The following PINX1 variants were observed in gnomAD, a reference collection of about 807,000 sequenced individuals.
PINX1 encodes PIN2 (TERF1) interacting telomerase inhibitor 1.
In PINX1, 34 loss-of-function variants were observed where a neutral mutation model predicts 25.4. The observed-to-expected ratio is 1.34, with a 90% confidence interval of 1.02 to 1.78. PINX1 has a LOEUF of 1.78. PINX1 is among the 40% of genes most tolerant of loss of function. PINX1 has a pLI of 0.00. For synonymous variants in PINX1, 197 were observed against 147.7 expected, an observed-to-expected ratio of 1.33 and a Z score of -2.42; for missense variants, 592 against 404.9, an observed-to-expected ratio of 1.46 and a Z score of -3.97.
intron 6 of PINX1, among the ~76,000 whole-genome samples, chr8:10,819,398 G>C (rs768594907): frequency 6.6e-6 from 1 of 152,168 alleles, no homozygotes; most frequent in Non-Finnish European, 1.5e-5. Context: ...AAGATCATCA[G>C]TACAACATAC....
chr8:10,807,112 G>A (rs368338337), intron 6 of PINX1, among the ~76,000 whole-genome samples: 4 of 152,138 alleles, frequency 2.6e-5, no homozygotes, highest in South Asian at 4.2e-4. Context: ...GAACTCAGAG[G>A]ACCAAGACAG....
At chr8:10,835,701 A>G (rs1798385550) in intron 1 of PINX1, among the ~76,000 whole-genome samples, 1 of 152,196 alleles carries the variant, frequency 6.6e-6, no homozygotes, top group Non-Finnish European at 1.5e-5. Flanking sequence ...AAGTAAAAAA[A>G]TCACTGTGCC....
chr8:10,798,635 C>T (rs1802165119), intron 6 of PINX1, among the ~76,000 whole-genome samples: 1 of 152,240 alleles, frequency 6.6e-6, no homozygotes, highest in African/African-American at 2.4e-5. Flanking sequence ...GGCAGTAAGC[C>T]AGGTAAAACT....
At chr8:10,821,156 G>A (rs1460939008) in intron 5 of PINX1, among the ~76,000 whole-genome samples, 1 of 152,226 alleles carries the variant, frequency 6.6e-6, no homozygotes, top group Non-Finnish European at 1.5e-5. Flanking sequence ...TCAGACACAG[G>A]AATGTGAGTC....
At chr8:10,797,898 G>A (rs527681369) in intron 6 of PINX1, among the ~76,000 whole-genome samples, 2 of 152,298 alleles carry the variant, frequency 1.3e-5, no homozygotes, top group South Asian at 2.1e-4. Context: ...ACCATGTCAG[G>A]AGAATCTCAG....
rs1052316632 is a variant in PINX1, at chr8:10,772,645, G to A, written c.472-6729C>T. Among the ~76,000 whole-genome samples the A allele has an allele frequency of 2.6e-5, 4 of 152,342 alleles. No individual in the cohort carries two copies. The South Asian group carries it at 6.2e-4, about 24-fold the overall frequency. On this transcript the variant is annotated intron_variant, in intron 6 of 6. Transcript: ENST00000314787. ...GGAATTTGCCTGGGAGACACAATCA[G>A]TTTTAGCATTAGCAAGTATCACAAG...
chr8:10,792,204 T>C (rs920461285), intron 6 of PINX1, among the ~76,000 whole-genome samples: 2 of 152,124 alleles, frequency 1.3e-5, no homozygotes, highest in East Asian at 3.9e-4. Flanking sequence ...CTCTCCGCGC[T>C]GGATGGGCCT....
intron 4 of PINX1, among the ~76,000 whole-genome samples, chr8:10,829,308 G>A (rs868005181): frequency 0.019 from 2,579 of 137,368 alleles, 101 homozygotes; most frequent in African/African-American, 0.071. Flanking sequence ...AAAAAAAAGA[G>A]AGAGAGAAAA....
intron 6 of PINX1, among the ~76,000 whole-genome samples, chr8:10,809,841 T>C (rs773972189): frequency 7.2e-5 from 11 of 152,248 alleles, no homozygotes; most frequent in Non-Finnish European, 1.0e-4. Context: ...TGTGTTAGTC[T>C]GTTTTTGTAT....
At chr8:10,793,975 C>T (rs1320109601) in intron 6 of PINX1, among the ~76,000 whole-genome samples, 2 of 152,168 alleles carry the variant, frequency 1.3e-5, no homozygotes. Context: ...GTAAAAGCTA[C>T]GCTGCTCAAC....
At chr8:10,802,597 G>C (rs1175314633) in intron 6 of PINX1, among the ~76,000 whole-genome samples, 1 of 152,224 alleles carries the variant, frequency 6.6e-6, no homozygotes, top group South Asian at 2.1e-4. Flanking sequence ...CTTCCTAACT[G>C]CTTGCTACTC....
intron 1 of PINX1, among the ~76,000 whole-genome samples, chr8:10,837,126 C>T (rs911548933): frequency 6.6e-6 from 1 of 152,172 alleles, no homozygotes; most frequent in Non-Finnish European, 1.5e-5. Flanking sequence ...GCTCATTGTG[C>T]CTGTTTATGC....
intron 6 of PINX1, among the ~76,000 whole-genome samples, chr8:10,778,460 T>C (rs1362812643): frequency 6.6e-6 from 1 of 152,164 alleles, no homozygotes; most frequent in African/African-American, 2.4e-5. Context: ...GGTTAACACA[T>C]TTCTCTGTCT....
chr8:10,816,479 C>T (rs191818471), intron 6 of PINX1, among the ~76,000 whole-genome samples: 22 of 152,364 alleles, frequency 1.4e-4, no homozygotes, highest in Middle Eastern at 3.4e-3. Context: ...GATGCTCAAG[C>T]TCTTTCTTAA....
chr8:10,776,757 C>T lies in PINX1; in HGVS notation c.472-10841G>A, dbSNP rs187644038. 1.1e-3 allele frequency among the ~76,000 whole-genome samples: 161 copies of T among 152,268 alleles called. 1 individual carries two copies. The highest frequency in any genetic ancestry group is 1.1e-3 in the Non-Finnish European group (77 of 68,016). ...AAGGGATGGGATGGTGCTGCCCAGA[C>T]CTGTCACCAGAGTCGCCACCCTGCT... On this transcript the variant is annotated intron_variant, in intron 6 of 6. Transcript: ENST00000314787.
intron 6 of PINX1, among the ~76,000 whole-genome samples, chr8:10,794,495 C>T (rs1191987888): frequency 2.6e-5 from 4 of 151,770 alleles, no homozygotes; most frequent in East Asian, 1.9e-4. Flanking sequence ...AGTGCACTAG[C>T]GCAATCTCAG....
intron 6 of PINX1, among the ~76,000 whole-genome samples, chr8:10,806,782 G>A (rs1802465962): frequency 6.6e-6 from 1 of 152,098 alleles, no homozygotes; most frequent in South Asian, 2.1e-4. Context: ...GGCAGGGGAG[G>A]CGCTCCTGAC....
intron 5 of PINX1, among the ~76,000 whole-genome samples, chr8:10,825,085 C>T (rs1213860577): frequency 1.3e-5 from 2 of 152,230 alleles, no homozygotes; most frequent in Non-Finnish European, 2.9e-5. Flanking sequence ...TCCCTGCACA[C>T]AATCCCCAAT....
rs185543815 is a variant in PINX1 at position 10,826,050 on chromosome 8, C to A, written c.394+102G>T. 219 of 640,794 alleles carry A rather than the reference C, an allele frequency of 3.4e-4. 1 individual carries two copies. The African/African-American group carries it at 3.6e-3, about 11-fold the overall frequency. 39.7% of individuals were successfully genotyped at this position (640,794 alleles called of 1,614,324 possible). On this transcript the variant is annotated intron_variant, in intron 5 of 6. Transcript: ENST00000314787. ...TCACAGCAATGCAGTCGGAGCTGTC[C>A]ATAAAGCATGAAGTCGCTATTGGCC...
Sources: allele counts gnomAD v4.1 joint callset (sites outside exome capture counted in the v4.1 genomes callset), GRCh38; gene constraint gnomAD v4.1.1; transcripts MANE v1.5; gene names NCBI Gene and HGNC (gene_info 2026-07-23, HGNC 2026-07-21).